The following GPC6 variants were observed in gnomAD, a reference collection of about 807,000 sequenced individuals.
GPC6 encodes glypican-6.
A neutral mutation model predicts 55.2 loss-of-function variants in GPC6; 14 were observed. That is an observed-to-expected ratio of 0.25 (90% confidence interval 0.17 to 0.40). GPC6 has a LOEUF of 0.40. Among genes scored for constraint, GPC6 ranks in the 10% least tolerant of loss-of-function variants. GPC6 has a pLI of 1.00. For synonymous variants in GPC6, 278 were observed against 259.6 expected, an observed-to-expected ratio of 1.07 and a Z score of -0.68; for missense variants, 641 against 708.5, an observed-to-expected ratio of 0.90 and a Z score of 1.08.
At chr13:93,488,327 C>G (rs1395101497) in intron 1 of GPC6, among the ~76,000 whole-genome samples, 1 of 152,174 alleles carries the variant, frequency 6.6e-6, no homozygotes, top group Non-Finnish European at 1.5e-5. Context: ...GCATAGTATT[C>G]CATGGTGTAC....
chr13:94,008,083 GT>G (rs1229698732), intron 3 of GPC6, among the ~76,000 whole-genome samples: 1 of 151,904 alleles, frequency 6.6e-6, no homozygotes, highest in East Asian at 1.9e-4. Context: ...TCTTGCTTCT[GT>G]GTCCTGCCTT....
chr13:93,831,379 A>G (rs989021928), intron 3 of GPC6, among the ~76,000 whole-genome samples: 10 of 152,346 alleles, frequency 6.6e-5, no homozygotes, highest in African/African-American at 2.4e-4. Context: ...ATAAAATGAA[A>G]GACAATTACT....
chr13:94,245,649 T>C (rs766938918), intron 4 of GPC6, among the ~76,000 whole-genome samples: 2 of 152,112 alleles, frequency 1.3e-5, no homozygotes, highest in Non-Finnish European at 2.9e-5. Context: ...CTTAATATAA[T>C]GTCCTCTAGG....
At chr13:93,480,237 T>C (rs759370439) in intron 1 of GPC6, among the ~76,000 whole-genome samples, 5 of 152,244 alleles carry the variant, frequency 3.3e-5, no homozygotes, top group Admixed American at 6.5e-5. Flanking sequence ...GTTTCTTTAA[T>C]ATTGTTCTCA....
At chr13:93,772,078 C>G (rs538747512) in intron 2 of GPC6, among the ~76,000 whole-genome samples, 2 of 152,206 alleles carry the variant, frequency 1.3e-5, no homozygotes, top group East Asian at 3.9e-4. Flanking sequence ...GCCCATAGCC[C>G]TTAATGCATT....
At chr13:93,782,153 A>T (rs1220814670) in intron 2 of GPC6, among the ~76,000 whole-genome samples, 1 of 152,062 alleles carries the variant, frequency 6.6e-6, no homozygotes, top group Non-Finnish European at 1.5e-5. Context: ...GCATTTTTAG[A>T]TTCCATGTAT....
intron 1 of GPC6, among the ~76,000 whole-genome samples, chr13:93,388,693 T>C (rs1875499956): frequency 6.6e-6 from 1 of 152,224 alleles, no homozygotes; most frequent in Admixed American, 6.5e-5. Context: ...TCCCCGTTAC[T>C]TTCTGTCAGC....
chr13:93,881,591 G>A (rs534785928), intron 3 of GPC6, among the ~76,000 whole-genome samples: 29 of 152,074 alleles, frequency 1.9e-4, no homozygotes, highest in African/African-American at 6.5e-4. Flanking sequence ...TTGCTAATGG[G>A]GTGTCACTGC....
chr13:93,254,296 C>T (rs1363718720), intron 1 of GPC6, among the ~76,000 whole-genome samples: 2 of 152,112 alleles, frequency 1.3e-5, no homozygotes, highest in African/African-American at 4.8e-5. Flanking sequence ...TGCACTCCAG[C>T]CTGGGTGACA....
chr13:93,837,273 T>C (rs551671937), intron 3 of GPC6, among the ~76,000 whole-genome samples: 58 of 152,342 alleles, frequency 3.8e-4, no homozygotes, highest in African/African-American at 1.4e-3. Context: ...GTCTCTCCAC[T>C]GAATCTGATT....
rs150494687 is a variant in GPC6 at position 93,550,952 on chromosome 13, A to G, written c.319+5531A>G. 1.7e-4 allele frequency among the ~76,000 whole-genome samples: 26 copies of G among 152,310 alleles called. No homozygotes were observed. The South Asian group carries it at 2.7e-3, about 16-fold the overall frequency. ...TACGTTTTGGGGGAGACATAAGTATAAACCTAAGAGTAAGAAAGGCAGAAT... is the reference window on the plus strand; with the variant it reads ...TACGTTTTGGGGGAGACATAAGTATGAACCTAAGAGTAAGAAAGGCAGAAT... On this transcript the variant is annotated intron_variant, in intron 2 of 8. Coordinates refer to ENST00000377047, the MANE Select transcript of GPC6 (RefSeq NM_005708.5).
At chr13:93,655,904 T>C (rs1304564318) in intron 2 of GPC6, among the ~76,000 whole-genome samples, 4 of 152,206 alleles carry the variant, frequency 2.6e-5, no homozygotes, top group Non-Finnish European at 5.9e-5. Context: ...ATATATAGAA[T>C]GGTTAACTTG....
Position 93,789,503 on chromosome 13 carries a change from C to CTA in GPC6, c.320-40650_320-40649insAT, listed in dbSNP as rs1202956633. ...GTGAACTCTCTCTCTCTCTCTCTCTCTCTCTCTATATATATATATATATAT... is the reference window on the plus strand; with the variant it reads ...GTGAACTCTCTCTCTCTCTCTCTCTCTATCTCTCTATATATATATATATATAT... On this transcript the variant is annotated intron_variant, in intron 2 of 8. Transcript: ENST00000377047. Among the ~76,000 whole-genome samples the CTA allele has an allele frequency of 6.5e-4, 51 of 78,542 alleles. No homozygotes were observed. In the East Asian group the frequency reaches 7.2e-3, roughly 11 times the overall value. The allele number at this position is 78,542 out of a possible 152,430, so 51.5% of individuals were successfully genotyped here.
intron 1 of GPC6, among the ~76,000 whole-genome samples, chr13:93,432,114 A>G (rs77321325): frequency 0.014 from 2,082 of 152,272 alleles, 23 homozygotes; most frequent in Non-Finnish European, 0.022. Context: ...AATGGGACAG[A>G]AGTTGTTTTT....
chr13:93,507,234 C>T (rs1425484854), intron 1 of GPC6, among the ~76,000 whole-genome samples: 3 of 152,224 alleles, frequency 2.0e-5, no homozygotes, highest in Admixed American at 6.5e-5. Context: ...CCTGAAGCTT[C>T]GGCCGAATTA....
intron 2 of GPC6, among the ~76,000 whole-genome samples, chr13:93,731,282 C>T (rs1487284546): frequency 6.6e-6 from 1 of 152,108 alleles, no homozygotes; most frequent in East Asian, 1.9e-4. Context: ...ATATGGTAGC[C>T]ACACTACATC....
chr13:93,344,945 T>C (rs1880379034), intron 1 of GPC6, among the ~76,000 whole-genome samples: 1 of 152,230 alleles, frequency 6.6e-6, no homozygotes, highest in African/African-American at 2.4e-5. Context: ...CAGTGGAGAA[T>C]GCATAAGGTA....
Position 93,395,399 on chromosome 13 carries a change from C to T in GPC6, c.161-149864C>T, listed in dbSNP as rs138064756. ...AATGACAATCTTATCCACAGAATCA[C>T]GGCCATCAAAAGTTACAGAAGCAAA... On this transcript the variant is annotated intron_variant, in intron 1 of 8. Coordinates refer to ENST00000377047, the MANE Select transcript of GPC6 (RefSeq NM_005708.5). 243 of 300,760 alleles carry T rather than the reference C, an allele frequency of 8.1e-4. 3 individuals are homozygous for T. Among genetic ancestry groups the T allele is most frequent in the East Asian group, 7.5e-3 (96 of 12,750 alleles). The allele number at this position is 300,760 out of a possible 1,614,324, so 18.6% of individuals were successfully genotyped here.
chr13:93,738,975 A>T (rs981577530), intron 2 of GPC6, among the ~76,000 whole-genome samples: 4 of 146,310 alleles, frequency 2.7e-5, no homozygotes, highest in African/African-American at 1.0e-4. Context: ...ACACACACTC[A>T]CACACATGAA....
Sources: gnomAD v4.1 joint callset for allele counts (sites outside exome capture counted in the v4.1 genomes callset) on GRCh38, gnomAD v4.1.1 for gene constraint, MANE v1.5 for transcripts, NCBI Gene and HGNC (gene_info 2026-07-23, HGNC 2026-07-21) for gene names.